The following STAC variants were observed in gnomAD, a reference collection of about 807,000 sequenced individuals.
STAC encodes the protein SH3 and cysteine-rich domain-containing protein.
Under a neutral mutation model 48.8 loss-of-function variants are expected in STAC, and 43 were observed. The ratio of observed to expected loss-of-function variants is 0.88; its 90% confidence interval spans 0.69 to 1.14. The LOEUF is 1.14. Among genes scored for constraint, STAC ranks in the 50% most tolerant of loss-of-function variants. The pLI, the probability that STAC is intolerant of heterozygous loss-of-function variation, is 0.00. For synonymous variants in STAC, 193 were observed against 179.5 expected (o/e 1.07, Z -0.60); for missense variants, 497 against 504.0 (o/e 0.99, Z 0.13).
At chr3:36,546,129 G>A in intron 10 of STAC, 62 bp from the exon 11 acceptor site, 1 of 1,406,984 alleles carries the variant, frequency 7.1e-7, no homozygotes, top group Non-Finnish European at 1.0e-6. Flanking sequence ...TCAAGCTGCA[G>A]GTTCTAACTT....
intron 2 of STAC, among the ~76,000 whole-genome samples, chr3:36,449,246 C>T (rs1245681810): frequency 6.6e-6 from 1 of 152,146 alleles, no homozygotes; most frequent in Non-Finnish European, 1.5e-5. Context: ...ATTTTGAAGT[C>T]CTGCCATCCT....
chr3:36,421,263 G>T (rs563614508), intron 1 of STAC, among the ~76,000 whole-genome samples: 3 of 152,058 alleles, frequency 2.0e-5, no homozygotes, highest in African/African-American at 7.2e-5. Flanking sequence ...TACAAGACAT[G>T]CCTCCATATG....
At chr3:36,507,587 G>A (rs144701403) in intron 8 of STAC, among the ~76,000 whole-genome samples, 286 of 152,118 alleles carry the variant, frequency 1.9e-3, no homozygotes, top group African/African-American at 6.5e-3. Flanking sequence ...TATTACCTCA[G>A]TTTCAGAACT....
intron 1 of STAC, among the ~76,000 whole-genome samples, chr3:36,390,921 A>G (rs571947664): frequency 6.6e-6 from 1 of 152,300 alleles, no homozygotes; most frequent in Admixed American, 6.5e-5. Flanking sequence ...GGCTTGAGTC[A>G]GATTTGTTAA....
At chr3:36,474,928 T>C (rs575132594) in intron 2 of STAC, among the ~76,000 whole-genome samples, 2 of 152,186 alleles carry the variant, frequency 1.3e-5, no homozygotes, top group African/African-American at 2.4e-5. Context: ...AATGTAAGAA[T>C]ACAGAAGTAA....
chr3:36,500,949 C>G (rs1457500370), intron 6 of STAC, among the ~76,000 whole-genome samples: 1 of 151,876 alleles, frequency 6.6e-6, no homozygotes, highest in African/African-American at 2.4e-5. Flanking sequence ...GAAAATTAGC[C>G]GGGCAGGGTG....
At chr3:36,457,092 T>C (rs1696874584) in intron 2 of STAC, among the ~76,000 whole-genome samples, 2 of 152,184 alleles carry the variant, frequency 1.3e-5, no homozygotes, top group South Asian at 4.1e-4. Flanking sequence ...AAAGGTTAAG[T>C]AAAAACTTTG....
intron 2 of STAC, among the ~76,000 whole-genome samples, chr3:36,447,688 G>A (rs1696550026): frequency 7.1e-6 from 1 of 140,654 alleles, no homozygotes; most frequent in Non-Finnish European, 1.6e-5. Flanking sequence ...CACACACAAA[G>A]ACATTGAACT....
intron 2 of STAC, among the ~76,000 whole-genome samples, chr3:36,454,090 T>TAGAATAAGAGAATAAATA (rs1696777136): frequency 1.3e-5 from 2 of 152,090 alleles, no homozygotes; most frequent in East Asian, 3.9e-4. Flanking sequence ...AGGATGTGGG[T>TAGAATAAGAGAATAAATA]GGGGCCAAAT....
intron 10 of STAC, among the ~76,000 whole-genome samples, chr3:36,540,773 G>A (rs902312052): frequency 4.6e-5 from 7 of 152,138 alleles, no homozygotes; most frequent in South Asian, 2.1e-4. Flanking sequence ...TTTTGACTCC[G>A]TGATTTTGGC....
chr3:36,520,254 T>C (rs1359289091), intron 8 of STAC, among the ~76,000 whole-genome samples: 1 of 152,188 alleles, frequency 6.6e-6, no homozygotes, highest in Non-Finnish European at 1.5e-5. Flanking sequence ...ATTATTAAAA[T>C]AGAGATTCCT....
At chr3:36,395,184 A>T (rs1020055231) in intron 1 of STAC, among the ~76,000 whole-genome samples, 1 of 152,178 alleles carries the variant, frequency 6.6e-6, no homozygotes, top group African/African-American at 2.4e-5. Context: ...CTTGACTGAA[A>T]TTGCATACTG....
At chr3:36,512,480 A>G (rs1404042932) in intron 8 of STAC, among the ~76,000 whole-genome samples, 1 of 152,170 alleles carries the variant, frequency 6.6e-6, no homozygotes, top group Admixed American at 6.5e-5. Context: ...ACAGCTTTCT[A>G]TTATAGAGAT....
chr3:36,426,869 C>T (rs1417383270), intron 1 of STAC, among the ~76,000 whole-genome samples: 1 of 151,800 alleles, frequency 6.6e-6, no homozygotes, highest in East Asian at 1.9e-4. Flanking sequence ...CACCTCTCGA[C>T]ATTTTGTGAA....
At chr3:36,525,310 A>G (rs1698906360) in intron 8 of STAC, among the ~76,000 whole-genome samples, 1 of 152,224 alleles carries the variant, frequency 6.6e-6, no homozygotes, top group South Asian at 2.1e-4. Context: ...AGGAAAGGAC[A>G]GAACCCTCAT....
intron 1 of STAC, chr3:36,409,671 G>A (rs192508773): frequency 4.6e-5 from 7 of 152,224 alleles, no homozygotes; most frequent in Admixed American, 6.5e-5. Context: ...ATCCATCCAC[G>A]TGCATCTTGG....
Position 36,547,328 on chromosome 3 carries a change from T to C in STAC, c.*1039T>C, listed in dbSNP as rs1699471048. On this transcript the variant is annotated 3_prime_UTR_variant, in exon 11 of 11. Coordinates refer to ENST00000273183, the MANE Select transcript of STAC (RefSeq NM_003149.3). ...ATGTAGCCAAATTGGAGTCCATTCT[T>C]CTTTAGGGCAGTATATGAAATCCTA... 6.6e-6 allele frequency: 1 copy of C among 152,612 alleles called. No individual in the cohort carries two copies. The highest frequency in any genetic ancestry group is 1.5e-5 in the Non-Finnish European group (1 of 68,042). The allele number at this position is 152,612 out of a possible 1,614,324, so 9.5% of individuals were successfully genotyped here.
At chr3:36,458,571 C>G (rs1170028514) in intron 2 of STAC, among the ~76,000 whole-genome samples, 1 of 152,140 alleles carries the variant, frequency 6.6e-6, no homozygotes, top group Non-Finnish European at 1.5e-5. Flanking sequence ...TTAATTCCAG[C>G]TCTGCGTGAA....
At position 36,546,318 on chromosome 3, in the gene STAC, G is replaced by A; in HGVS notation, c.*29G>A. On this transcript the variant is annotated 3_prime_UTR_variant, in exon 11 of 11. Transcript: ENST00000273183. ...CTGGCTCCTCCTCCGTTTGCAGTAG[G>A]CAAGCTCTGCTGCGATGCCTCTGCC... The A allele has an allele frequency of 3.2e-6, 5 of 1,576,844 alleles. No homozygotes were observed. Among genetic ancestry groups the A allele is most frequent in the Non-Finnish European group, 4.4e-6 (5 of 1,146,130 alleles).
Sources: gnomAD v4.1 joint callset for allele counts (sites outside exome capture counted in the v4.1 genomes callset) on GRCh38, gnomAD v4.1.1 for gene constraint, MANE v1.5 for transcripts, NCBI Gene and HGNC (gene_info 2026-07-23, HGNC 2026-07-21) for gene names.